The following NUAK1 variants were observed in gnomAD, a reference collection of about 807,000 sequenced individuals.
The protein encoded by NUAK1 is NUAK family kinase 1, also known as NUAK family SNF1-like kinase 1.
A neutral mutation model predicts 56.9 loss-of-function variants in NUAK1; 26 were observed. That is an observed-to-expected ratio of 0.46 (90% CI 0.33 to 0.63). NUAK1 has a LOEUF of 0.63. Among genes scored for constraint, NUAK1 ranks in the 30% least tolerant of loss-of-function variants. NUAK1 has a pLI of 0.02. For synonymous variants in NUAK1, 337 were observed against 336.0 expected (o/e 1.00, Z -0.03); for missense variants, 727 against 876.1 (o/e 0.83, Z 2.15).
At chr12:106,089,539 C>A (rs1264335168) in intron 2 of NUAK1, among the ~76,000 whole-genome samples, 1 of 152,210 alleles carries the variant, frequency 6.6e-6, no homozygotes, top group Non-Finnish European at 1.5e-5. Context: ...CGCCTGTAAT[C>A]CCAGCCCTTT....
intron 1 of NUAK1, among the ~76,000 whole-genome samples, chr12:106,113,385 G>C (rs911654769): frequency 6.6e-6 from 1 of 152,106 alleles, no homozygotes; most frequent in Non-Finnish European, 1.5e-5. Context: ...AGAGACTCTA[G>C]AGCACTATCT....
intron 1 of NUAK1, among the ~76,000 whole-genome samples, chr12:106,122,856 A>C (rs1171194737): frequency 6.6e-6 from 1 of 152,228 alleles, no homozygotes; most frequent in East Asian, 1.9e-4. Flanking sequence ...AGGTGCACCT[A>C]GGAGATTCCC....
chr12:106,123,583 T>G (rs1337157150), intron 1 of NUAK1, among the ~76,000 whole-genome samples: 1 of 152,208 alleles, frequency 6.6e-6, no homozygotes, highest in Non-Finnish European at 1.5e-5. Flanking sequence ...GAGCACCATG[T>G]GCTATATCAA....
Position 106,066,135 on chromosome 12 carries a change from G to A in NUAK1, c.*667C>T, listed in dbSNP as rs1035373572. The A allele has an allele frequency of 3.9e-5, 6 of 152,516 alleles. No individual in the cohort carries two copies. Among genetic ancestry groups the A allele is most frequent in the African/African-American group, 1.2e-4 (5 of 41,436 alleles). 9.4% of individuals were successfully genotyped at this position (152,516 alleles called of 1,614,324 possible). On this transcript the variant is annotated 3_prime_UTR_variant, in exon 7 of 7. Coordinates refer to ENST00000261402, the MANE Select transcript of NUAK1 (RefSeq NM_014840.3). ...TGAAAGAGTTAACATAGATCCCACA[G>A]GATGACTAAACCCGATTCCCAGGGC...
At chr12:106,116,519 A>G (rs960157537) in intron 1 of NUAK1, among the ~76,000 whole-genome samples, 1 of 152,228 alleles carries the variant, frequency 6.6e-6, no homozygotes, top group Non-Finnish European at 1.5e-5. Context: ...AATTCTTACA[A>G]AAACATTATT....
intron 2 of NUAK1, among the ~76,000 whole-genome samples, chr12:106,089,436 A>G (rs2032612088): frequency 6.6e-6 from 1 of 152,208 alleles, no homozygotes; most frequent in Non-Finnish European, 1.5e-5. Flanking sequence ...ACAGTCCAAT[A>G]CACCAAATAT....
chr12:106,129,169 A>G (rs778452323), intron 1 of NUAK1, among the ~76,000 whole-genome samples: 70 of 152,300 alleles, frequency 4.6e-4, no homozygotes, highest in Non-Finnish European at 5.0e-4. Flanking sequence ...GATGGGCTTG[A>G]GCCACCTCTC....
At chr12:106,117,096 C>T (rs1017971914) in intron 1 of NUAK1, among the ~76,000 whole-genome samples, 23 of 152,204 alleles carry the variant, frequency 1.5e-4, no homozygotes, top group Non-Finnish European at 3.4e-4. Context: ...TATTCACTCT[C>T]CTTTTGGGAG....
intron 1 of NUAK1, among the ~76,000 whole-genome samples, chr12:106,109,167 C>T (rs1223840288): frequency 6.6e-6 from 1 of 152,212 alleles, no homozygotes; most frequent in Non-Finnish European, 1.5e-5. Flanking sequence ...TTCAGCTCTA[C>T]TCCCAGAGTG....
rs1383452035 is a variant in NUAK1 at position 106,065,700 on chromosome 12, G to T, written c.*1102C>A. The T allele has an allele frequency of 2.0e-5, 3 of 152,666 alleles. No homozygotes were observed. The highest frequency in any genetic ancestry group is 2.9e-5 in the Non-Finnish European group (2 of 68,054). The allele number at this position is 152,666 out of a possible 1,614,324, so 9.5% of individuals were successfully genotyped here. A position where few individuals can be genotyped will look rare whatever the true frequency, so the allele number is the denominator to read the frequency against. On this transcript the variant is annotated 3_prime_UTR_variant, in exon 7 of 7. Coordinates refer to ENST00000261402, the MANE Select transcript of NUAK1 (RefSeq NM_014840.3). ...GTGAACAGAGCCAATGGTTCAGCCA[G>T]GTAATCCTCTGGAGAATATGGACAG... is the stretch of plus-strand genomic sequence containing the variant.
chr12:106,072,488 T>C (rs1360491942), intron 5 of NUAK1, among the ~76,000 whole-genome samples: 1 of 152,198 alleles, frequency 6.6e-6, no homozygotes, highest in African/African-American at 2.4e-5. Flanking sequence ...TTTAAGTGAT[T>C]ATCTTTTCTA....
chr12:106,097,371 A>G (rs1322175063), intron 2 of NUAK1, among the ~76,000 whole-genome samples: 1 of 152,270 alleles, frequency 6.6e-6, no homozygotes, highest in South Asian at 2.1e-4. Flanking sequence ...AAGTGCTAAT[A>G]GAATAGTACC....
At chr12:106,088,632 T>C (rs183617730) in intron 2 of NUAK1, among the ~76,000 whole-genome samples, 5 of 152,340 alleles carry the variant, frequency 3.3e-5, no homozygotes, top group Admixed American at 2.0e-4. Flanking sequence ...TGAATAATAT[T>C]AGCAAGTACT....
chr12:106,132,308 C>T (rs1175289843), intron 1 of NUAK1, among the ~76,000 whole-genome samples: 1 of 152,244 alleles, frequency 6.6e-6, no homozygotes, highest in Non-Finnish European at 1.5e-5. Flanking sequence ...TTCGACACCT[C>T]CCAAGATATT....
chr12:106,085,713 AT>A (rs1236711053), intron 3 of NUAK1, among the ~76,000 whole-genome samples: 2 of 151,994 alleles, frequency 1.3e-5, no homozygotes, highest in African/African-American at 4.8e-5. Flanking sequence ...TATTGTTATT[AT>A]TATTATTTTG....
At chr12:106,136,687 C>A (rs1205582843) in intron 1 of NUAK1, among the ~76,000 whole-genome samples, 1 of 152,242 alleles carries the variant, frequency 6.6e-6, no homozygotes, top group Non-Finnish European at 1.5e-5. Flanking sequence ...ACATTCTCAA[C>A]CTGCAGCTCG....
chr12:106,074,045 A>T (rs1038174550), intron 4 of NUAK1, among the ~76,000 whole-genome samples: 1 of 152,082 alleles, frequency 6.6e-6, no homozygotes, highest in Non-Finnish European at 1.5e-5. Context: ...ACATATACAC[A>T]TATATACATA....
intron 6 of NUAK1, among the ~76,000 whole-genome samples, chr12:106,070,458 G>A (rs1322015215): frequency 6.6e-6 from 1 of 152,178 alleles, no homozygotes; most frequent in African/African-American, 2.4e-5. Flanking sequence ...GACTGGGAGA[G>A]ACCTCATCTA....
chr12:106,075,134 G>A (rs113873139), intron 4 of NUAK1, among the ~76,000 whole-genome samples: 6 of 152,214 alleles, frequency 3.9e-5, no homozygotes, highest in African/African-American at 1.4e-4. Context: ...CCGTTCTGGA[G>A]AAGTGTGTTT....
Sources: gnomAD v4.1 joint callset for allele counts (sites outside exome capture counted in the v4.1 genomes callset) on GRCh38, gnomAD v4.1.1 for gene constraint, MANE v1.5 for transcripts, NCBI Gene and HGNC (gene_info 2026-07-23, HGNC 2026-07-21) for gene names.